Variants in DCTN4 observed in about 807,000 individuals in gnomAD.
DCTN4 encodes dynactin 4 (p62).
A neutral mutation model predicts 62.7 loss-of-function variants in DCTN4; 23 were observed. The observed-to-expected ratio is 0.37, with a 90% CI of 0.26 to 0.52. The LOEUF (loss-of-function observed/expected upper bound fraction) is 0.52. Among genes scored for constraint, DCTN4 ranks in the 20% least tolerant of loss-of-function variants. DCTN4 has a pLI of 0.92. For missense variants in DCTN4, 514 were observed against 580.4 expected (o/e 0.89, Z 1.18); for synonymous variants, 199 against 202.1 (o/e 0.98, Z 0.13).
intron 1 of DCTN4, chr5:150,757,960 A>AT (rs1752924084): frequency 3.2e-6 from 2 of 630,180 alleles, no homozygotes; most frequent in Non-Finnish European, 2.0e-6. Flanking sequence ...TGTAAAAAAA[A>AT]TTTTTTAAAA....
At chr5:150,733,190 C>T (rs545853970) in intron 5 of DCTN4, among the ~76,000 whole-genome samples, 178 bp downstream of exon 5, 1 of 152,318 alleles carries the variant, frequency 6.6e-6, no homozygotes, top group African/African-American at 2.4e-5. Context: ...ACAAATAACT[C>T]AAACAGAACT....
chr5:150,736,555 A>G (rs567725701), intron 4 of DCTN4, among the ~76,000 whole-genome samples: 1 of 152,326 alleles, frequency 6.6e-6, no homozygotes, highest in South Asian at 2.1e-4. Flanking sequence ...AGACACACAA[A>G]TGCTGAGAGA....
At chr5:150,749,661 A>G (rs1561709474) in intron 3 of DCTN4, among the ~76,000 whole-genome samples, 1 of 151,374 alleles carries the variant, frequency 6.6e-6, no homozygotes, top group Non-Finnish European at 1.5e-5. Context: ...ACTTTAAAAA[A>G]TAAAAAAAAA....
At chr5:150,731,915 C>A (rs1279502727) in intron 5 of DCTN4, 2 of 1,551,574 alleles carry the variant, frequency 1.3e-6, no homozygotes, top group Admixed American at 2.0e-5. Flanking sequence ...TGCTGTAGAG[C>A]CCCAAAATAG....
At chr5:150,751,061 C>A (rs1410093827) in intron 3 of DCTN4, among the ~76,000 whole-genome samples, 1 of 152,054 alleles carries the variant, frequency 6.6e-6, no homozygotes, top group African/African-American at 2.4e-5. Flanking sequence ...AATGTTTCAG[C>A]TGTAATATTT....
chr5:150,722,983 A>G lies in DCTN4; in HGVS notation c.835-3T>C, dbSNP rs757850195. Reference sequence around the variant, plus strand: ...TTGCTCAAATTATGTTCACATTTCTAAAAAGAAAACAAATATAACACGTAT... The same window carrying G: ...TTGCTCAAATTATGTTCACATTTCTGAAAAGAAAACAAATATAACACGTAT... On this transcript the variant is annotated splice_polypyrimidine_tract_variant and splice_region_variant and intron_variant, in intron 8 of 12. Coordinates refer to ENST00000447998, the MANE Select transcript of DCTN4 (RefSeq NM_016221.4). The G allele has an allele frequency of 1.9e-6, 3 of 1,603,660 alleles. No homozygotes were observed. In the Admixed American group the frequency reaches 5.0e-5, roughly 27 times the overall value.
At chr5:150,735,756 A>C (rs892304699) in intron 4 of DCTN4, among the ~76,000 whole-genome samples, 1 of 152,160 alleles carries the variant, frequency 6.6e-6, no homozygotes, top group Non-Finnish European at 1.5e-5. Context: ...AGGTTCTTTA[A>C]CACCCCAAAA....
At chr5:150,732,026 T>G in intron 5 of DCTN4, 3 of 865,678 alleles carry the variant, frequency 3.5e-6, no homozygotes, top group Non-Finnish European at 5.7e-6. Context: ...TTCATTTAAT[T>G]CAAATTCTAC....
At chr5:150,722,086 G>T (rs1471625598) in intron 9 of DCTN4, among the ~76,000 whole-genome samples, 1 of 152,082 alleles carries the variant, frequency 6.6e-6, no homozygotes, top group Non-Finnish European at 1.5e-5. Flanking sequence ...TCAGGCTTCC[G>T]AAGTGCTGGG....
intron 3 of DCTN4, among the ~76,000 whole-genome samples, chr5:150,750,725 T>C (rs891664306): frequency 1.3e-5 from 2 of 152,274 alleles, no homozygotes; most frequent in Middle Eastern, 3.4e-3. Context: ...TGCATACATA[T>C]GTGGAGAAGT....
rs1257358859 is a variant in DCTN4 at position 150,718,333 on chromosome 5, A to G, written c.1014T>C (p.His338=). Residue 338 remains histidine, a synonymous_variant, in exon 11 of 13, where the codon CAT becomes CAC. Coordinates refer to ENST00000447998, the MANE Select transcript of DCTN4 (RefSeq NM_016221.4). ...CCTCCTCACACTCGAAGAGAGTCAC[A>G]TGGGTGAGGTTCTCAACTGGATTTG... ...TLTNPVENLT[H]VTLFECEEGD... 1 of 1,614,134 alleles carries G rather than the reference A, an allele frequency of 6.2e-7. No individual in the cohort carries two copies. Among genetic ancestry groups the G allele is most frequent in the Non-Finnish European group, 8.5e-7 (1 of 1,179,992 alleles).
chr5:150,720,565 AC>A (rs1375734851), intron 9 of DCTN4, among the ~76,000 whole-genome samples: 1 of 150,798 alleles, frequency 6.6e-6, no homozygotes, highest in East Asian at 1.9e-4. Flanking sequence ...TGAAGCCTCG[AC>A]CCCCCAGGCT....
chr5:150,709,227 A>C lies in DCTN4; in HGVS notation c.*1922T>G, dbSNP rs1759476161. 6.5e-6 allele frequency: 1 copy of C among 152,734 alleles called. No homozygotes were observed. Among genetic ancestry groups the C allele is most frequent in the African/African-American group, 2.4e-5 (1 of 41,464 alleles). The allele number at this position is 152,734 out of a possible 1,614,324, so 9.5% of individuals were successfully genotyped here. On this transcript the variant is annotated 3_prime_UTR_variant, in exon 13 of 13. Coordinates refer to ENST00000447998, the MANE Select transcript of DCTN4 (RefSeq NM_016221.4). Reference sequence around the variant, plus strand: ...AAGTTAGTTTGGCTTCTGAAGAAAAAAGTTTATGATCAAAGTGTTTTGTGT... The same window carrying C: ...AAGTTAGTTTGGCTTCTGAAGAAAACAGTTTATGATCAAAGTGTTTTGTGT...
At chr5:150,720,470 C>T (rs1759918066) in intron 9 of DCTN4, among the ~76,000 whole-genome samples, 1 of 151,464 alleles carries the variant, frequency 6.6e-6, no homozygotes, top group Non-Finnish European at 1.5e-5. Flanking sequence ...GGTTTGATAC[C>T]AGAGCTCTGT....
In DCTN4 at chr5:150,745,779, C is replaced by T. The variant is rs1355427952; in HGVS notation, c.386-3622G>A. Among the ~76,000 whole-genome samples the T allele has an allele frequency of 8.6e-5, 13 of 151,918 alleles. No individual in the cohort carries two copies. In the South Asian group the frequency reaches 2.3e-3, roughly 27 times the overall value. On this transcript the variant is annotated intron_variant, in intron 3 of 12. Transcript: ENST00000447998. ...ACACAACATACCAGAATCTCTGGGA[C>T]ACATTCAAAGCAGTGTGTAGAGGGA...
At chr5:150,757,654 G>A (rs968919531) in intron 1 of DCTN4, among the ~76,000 whole-genome samples, 23 of 152,150 alleles carry the variant, frequency 1.5e-4, no homozygotes, top group African/African-American at 5.6e-4. Context: ...TGCTAATGGA[G>A]ATGAGAAGAA....
chr5:150,755,536 T>C (rs1327460722), intron 2 of DCTN4: 3 of 456,198 alleles, frequency 6.6e-6, no homozygotes, highest in East Asian at 6.9e-5. Context: ...TTTACCTCTG[T>C]GGTTCTCCTC....
At chr5:150,727,787 A>C (rs1335258189) in intron 8 of DCTN4, among the ~76,000 whole-genome samples, 12 of 150,590 alleles carry the variant, frequency 8.0e-5, no homozygotes, top group Admixed American at 2.6e-4. Context: ...AAAAAAAAAA[A>C]AAAAAAAAAA....
At chr5:150,755,753 C>G (rs1752838067) in intron 2 of DCTN4, among the ~76,000 whole-genome samples, 1 of 151,814 alleles carries the variant, frequency 6.6e-6, no homozygotes, top group South Asian at 2.1e-4. Flanking sequence ...GAAAAGAATC[C>G]TGGAAAAAAA....
Sources: allele counts gnomAD v4.1 joint callset (sites outside exome capture counted in the v4.1 genomes callset), GRCh38; gene constraint gnomAD v4.1.1; transcripts MANE v1.5; gene names NCBI Gene and HGNC (gene_info 2026-07-23, HGNC 2026-07-21).